Variants in B4GALNT3 observed in about 807,000 individuals in gnomAD.
B4GALNT3 encodes beta-1,4-N-acetyl-galactosaminyltransferase 3, also known as beta-1,4-N-acetylgalactosaminyltransferase 3.
B4GALNT3 carries 86 observed loss-of-function variants against 120.2 expected under a neutral mutation model. The ratio of observed to expected loss-of-function variants is 0.72; its 90% CI spans 0.60 to 0.86. The LOEUF is 0.86. Ranked by LOEUF, B4GALNT3 falls within the 40% of genes least tolerant of loss-of-function variation. B4GALNT3 has a pLI of 0.00. For synonymous variants in B4GALNT3, 518 were observed against 510.4 expected (o/e 1.01, Z -0.20); for missense variants, 1,167 against 1,298.9 (o/e 0.90, Z 1.56).
At chr12:551,805 G>A (rs914564142) in intron 11 of B4GALNT3, among the ~76,000 whole-genome samples, 7 of 152,068 alleles carry the variant, frequency 4.6e-5, no homozygotes, top group African/African-American at 7.2e-5. Flanking sequence ...TTCAGGAGGG[G>A]AGATGTGGAC....
At chr12:482,999 C>T (rs1592016164) in intron 1 of B4GALNT3, among the ~76,000 whole-genome samples, 1 of 152,142 alleles carries the variant, frequency 6.6e-6, no homozygotes, top group East Asian at 1.9e-4. Flanking sequence ...CCTTAACCCC[C>T]TGGGTTCAAG....
At chr12:536,338 AAAT>A in intron 3 of B4GALNT3, 43 bp downstream of exon 3, 2 of 1,504,620 alleles carry the variant, frequency 1.3e-6, no homozygotes, top group Non-Finnish European at 1.8e-6. Flanking sequence ...GAGAGCTAAA[AAAT>A]AATGTTTACA....
At position 484,243 on chromosome 12, in the gene B4GALNT3, C is replaced by T. The variant is rs201622367; in HGVS notation, c.169+23698C>T. Among the ~76,000 whole-genome samples the T allele has an allele frequency of 5.9e-5, 9 of 152,304 alleles. No homozygotes were observed. The East Asian group carries it at 1.4e-3, about 23-fold the overall frequency. On this transcript the variant is annotated intron_variant, in intron 1 of 19. Coordinates refer to ENST00000266383, the MANE Select transcript of B4GALNT3 (RefSeq NM_173593.4). ...ACATCTCTTTCCGCCCTGCCTTCCC[C>T]GAGGTGCTGGCTTTCACTTGTCAGT... is the stretch of plus-strand genomic sequence containing the variant.
At chr12:499,563 G>C (rs541184109) in intron 1 of B4GALNT3, among the ~76,000 whole-genome samples, 11 of 131,744 alleles carry the variant, frequency 8.3e-5, no homozygotes, top group Non-Finnish European at 1.6e-4. Context: ...CTCCTAGCCC[G>C]TGGAGCCCGT....
At chr12:496,412 C>T (rs1946387626) in intron 1 of B4GALNT3, among the ~76,000 whole-genome samples, 1 of 152,048 alleles carries the variant, frequency 6.6e-6, no homozygotes, top group Non-Finnish European at 1.5e-5. Flanking sequence ...CCAGCCTGGC[C>T]AACATGGTGA....
chr12:497,934 G>C (rs1390276593), intron 1 of B4GALNT3, among the ~76,000 whole-genome samples: 1 of 152,068 alleles, frequency 6.6e-6, no homozygotes, highest in Non-Finnish European at 1.5e-5. Context: ...GATTCCTAAA[G>C]TCTCCTCCTG....
intron 11 of B4GALNT3, among the ~76,000 whole-genome samples, chr12:551,315 G>T (rs1264505420): frequency 6.6e-6 from 1 of 152,186 alleles, no homozygotes; most frequent in East Asian, 1.9e-4. Flanking sequence ...CCTGGCTGAG[G>T]CTTCTTAAGC....
intron 1 of B4GALNT3, among the ~76,000 whole-genome samples, chr12:482,604 A>G (rs992355786): frequency 6.6e-6 from 1 of 152,230 alleles, no homozygotes; most frequent in Non-Finnish European, 1.5e-5. Context: ...GGTAAAGAGA[A>G]AACCAAGGAA....
Position 550,777 on chromosome 12 carries a change from C to T in B4GALNT3, c.998-145C>T. On this transcript the variant is annotated intron_variant, in intron 10 of 19. Transcript: ENST00000266383. The surrounding 1 kb of genome is among the most constrained non-coding windows in gnomAD (Gnocchi z 4.1). Reference sequence around the variant, plus strand: ...CCCTGCTCCAGGTGCGTGGGGCAGCCTCCAGCTGGCAGCCTCAGCCACAGA... The same window carrying T: ...CCCTGCTCCAGGTGCGTGGGGCAGCTTCCAGCTGGCAGCCTCAGCCACAGA... 1 of 658,464 alleles carries T rather than the reference C, an allele frequency of 1.5e-6. No homozygotes were observed. 40.8% of individuals were successfully genotyped at this position (658,464 alleles called of 1,614,324 possible). A position where few individuals can be genotyped will look rare whatever the true frequency, so the allele number is the denominator to read the frequency against.
At chr12:542,202 C>T (rs556268569) in intron 3 of B4GALNT3, among the ~76,000 whole-genome samples, 6 of 152,172 alleles carry the variant, frequency 3.9e-5, no homozygotes, top group African/African-American at 7.2e-5. Flanking sequence ...GCCCCATTAG[C>T]GCCACACTCT....
chr12:517,363 C>T (rs1169013565), intron 1 of B4GALNT3, among the ~76,000 whole-genome samples: 1 of 151,992 alleles, frequency 6.6e-6, no homozygotes, highest in Non-Finnish European at 1.5e-5. Context: ...GAATCATAAC[C>T]TTCTGCTTGA....
chr12:525,405 G>T (rs147510025), intron 1 of B4GALNT3, among the ~76,000 whole-genome samples: 1 of 152,138 alleles, frequency 6.6e-6, no homozygotes, highest in Non-Finnish European at 1.5e-5. Flanking sequence ...CACTGCGCTC[G>T]GCCAATAACA....
chr12:506,684 T>C (rs1195261582), intron 1 of B4GALNT3, among the ~76,000 whole-genome samples: 3 of 152,192 alleles, frequency 2.0e-5, no homozygotes, highest in Non-Finnish European at 4.4e-5. Flanking sequence ...TCACCCAGGC[T>C]GGAGTGCAGT....
intron 1 of B4GALNT3, among the ~76,000 whole-genome samples, chr12:528,901 G>A (rs908459468): frequency 7.9e-5 from 12 of 152,156 alleles, no homozygotes; most frequent in South Asian, 2.1e-4. Context: ...CTCTGTTTCC[G>A]TTCAGCTCCT....
intron 11 of B4GALNT3, among the ~76,000 whole-genome samples, chr12:551,316 C>T (rs1339575173): frequency 6.6e-6 from 1 of 152,232 alleles, no homozygotes; most frequent in Non-Finnish European, 1.5e-5. Context: ...CTGGCTGAGG[C>T]TTCTTAAGCT....
intron 1 of B4GALNT3, among the ~76,000 whole-genome samples, chr12:531,922 C>T (rs1255265751): frequency 6.6e-6 from 1 of 151,710 alleles, no homozygotes; most frequent in Non-Finnish European, 1.5e-5. Context: ...CAAGCAGTCA[C>T]AGTTTATAAT....
chr12:557,598 C>G lies in B4GALNT3; in HGVS notation c.2381-10C>G. The G allele has an allele frequency of 6.2e-7, 1 of 1,606,690 alleles. No homozygotes were observed. Among genetic ancestry groups the G allele is most frequent in the South Asian group, 1.1e-5 (1 of 90,012 alleles). On this transcript the variant is annotated splice_polypyrimidine_tract_variant and intron_variant, in intron 15 of 19. Transcript: ENST00000266383. ...TGTGTTTCCTTCTCCTGCCTGACCC[C>G]CTGGGGTAGTGAAGAACCAGGCACG...
At chr12:519,107 C>G (rs1946683393) in intron 1 of B4GALNT3, among the ~76,000 whole-genome samples, 1 of 152,222 alleles carries the variant, frequency 6.6e-6, no homozygotes, top group South Asian at 2.1e-4. Context: ...TTGTGAGAAG[C>G]CTGTATCTGT....
rs7978869 is a variant in B4GALNT3 at position 554,738 on chromosome 12, T to G, written c.2060+755T>G. 4.9e-4 allele frequency among the ~76,000 whole-genome samples: 57 copies of G among 116,022 alleles called. 1 individual carries two copies. The highest frequency in any genetic ancestry group is 1.8e-3 in the African/African-American group (53 of 29,420). The allele number at this position is 116,022 out of a possible 152,430, so 76.1% of individuals were successfully genotyped here. A position where few individuals can be genotyped will look rare whatever the true frequency, so the allele number is the denominator to read the frequency against. On this transcript the variant is annotated intron_variant, in intron 14 of 19. Transcript: ENST00000266383. ...CCGGGAGGCGGAGCTTGCAGTGAGC[T>G]GAGATTGCGCCACTGCACTCCAGCC... is the stretch of plus-strand genomic sequence containing the variant.
Sources: allele counts gnomAD v4.1 joint callset (sites outside exome capture counted in the v4.1 genomes callset), GRCh38; gene constraint gnomAD v4.1.1; non-coding constraint Gnocchi (gnomAD v3.1); transcripts MANE v1.5; gene names NCBI Gene and HGNC (gene_info 2026-07-23, HGNC 2026-07-21).